RGS7: variants seen among roughly 807,000 people sequenced by gnomAD.
RGS7 encodes the protein regulator of G protein signaling 7.
RGS7 carries 27 observed loss-of-function variants against 81.1 expected under a neutral mutation model. That is an observed-to-expected ratio of 0.33 (90% CI 0.25 to 0.46). The LOEUF is 0.46. RGS7 is among the 20% of genes least tolerant of loss of function. The probability of loss-of-function intolerance (pLI) is 1.00; values close to 1 mark genes in which losing one functional copy is unlikely to be tolerated. For missense variants in RGS7, 396 were observed against 607.4 expected (o/e 0.65, Z 3.66); for synonymous variants, 208 against 207.7 (o/e 1.00, Z -0.01).
chr1:240,935,299 A>T (rs555363962), intron 5 of RGS7, among the ~76,000 whole-genome samples: 4 of 152,296 alleles, frequency 2.6e-5, no homozygotes, highest in African/African-American at 9.6e-5. Context: ...ATCAGGAAGC[A>T]TTAGTCACAT....
At chr1:241,013,376 C>T (rs1425726186) in intron 3 of RGS7, among the ~76,000 whole-genome samples, 2 of 152,060 alleles carry the variant, frequency 1.3e-5, no homozygotes, top group South Asian at 2.1e-4. Flanking sequence ...ATCCCTGCTT[C>T]GAGTCTCACA....
At chr1:241,235,692 CTT>C (rs1170890848) in intron 2 of RGS7, among the ~76,000 whole-genome samples, 1 of 145,032 alleles carries the variant, frequency 6.9e-6, no homozygotes, top group East Asian at 2.0e-4. Context: ...TTCTCTCTCT[CTT>C]TCTCTCTTTC....
At chr1:241,240,469 G>C (rs754556296) in intron 2 of RGS7, among the ~76,000 whole-genome samples, 1 of 152,180 alleles carries the variant, frequency 6.6e-6, no homozygotes, top group Non-Finnish European at 1.5e-5. Flanking sequence ...ATATGTATGT[G>C]TGTGGGTGTA....
chr1:240,834,916 C>CCACACA (rs67071227), intron 9 of RGS7, among the ~76,000 whole-genome samples: 275 of 144,610 alleles, frequency 1.9e-3, no homozygotes, highest in Non-Finnish European at 2.3e-3. Context: ...ACCTTACACT[C>CCACACA]CACACACACA....
chr1:241,073,576 T>C (rs1365472311), intron 3 of RGS7, among the ~76,000 whole-genome samples: 1 of 152,214 alleles, frequency 6.6e-6, no homozygotes, highest in Non-Finnish European at 1.5e-5. Context: ...ACAATTCTTA[T>C]TCTTTATTGT....
intron 10 of RGS7, chr1:240,822,923 CGAAATACTA>C (rs1219504436): frequency 2.1e-5 from 9 of 429,838 alleles, no homozygotes; most frequent in Non-Finnish European, 3.9e-5. Flanking sequence ...TAATAAACAC[CGAAATACTA>C]GAAAACAGTG....
intron 3 of RGS7, among the ~76,000 whole-genome samples, chr1:241,035,655 C>A (rs2060287179): frequency 6.6e-6 from 1 of 152,118 alleles, no homozygotes; most frequent in African/African-American, 2.4e-5. Context: ...ACTGCTATCA[C>A]CATCATTACT....
At chr1:241,040,730 T>C (rs1333484607) in intron 3 of RGS7, among the ~76,000 whole-genome samples, 1 of 152,126 alleles carries the variant, frequency 6.6e-6, no homozygotes, top group Non-Finnish European at 1.5e-5. Flanking sequence ...CCTCAGGTGA[T>C]CCGCCCACCT....
chr1:240,940,808 G>A (rs76499448), intron 4 of RGS7, among the ~76,000 whole-genome samples: 2 of 57,524 alleles, frequency 3.5e-5, no homozygotes, highest in African/African-American at 9.1e-5. Context: ...AAGAAAAACA[G>A]AAGTGAGTGA....
intron 2 of RGS7, among the ~76,000 whole-genome samples, chr1:241,313,890 G>A (rs1466488660): frequency 6.6e-6 from 1 of 152,194 alleles, no homozygotes; most frequent in East Asian, 1.9e-4. Flanking sequence ...GCCTTCAGCG[G>A]TGGAAGTCAC....
chr1:241,224,391 C>T (rs1383646154), intron 2 of RGS7, among the ~76,000 whole-genome samples: 1 of 152,020 alleles, frequency 6.6e-6, no homozygotes, highest in Non-Finnish European at 1.5e-5. Context: ...ATGATGGCTT[C>T]CAGATGCATC....
intron 2 of RGS7, among the ~76,000 whole-genome samples, chr1:241,333,922 A>G (rs1454622475): frequency 4.0e-5 from 6 of 151,872 alleles, no homozygotes; most frequent in Non-Finnish European, 8.8e-5. Context: ...AAGTTAGATG[A>G]CTTCCTTACA....
chr1:240,839,178 A>G (rs1018958247), intron 9 of RGS7, among the ~76,000 whole-genome samples: 2 of 152,146 alleles, frequency 1.3e-5, no homozygotes, highest in Admixed American at 1.3e-4. Context: ...GCCTTATCCC[A>G]GTTAGCTGTC....
At chr1:241,180,896 G>A (rs529789797) in intron 2 of RGS7, among the ~76,000 whole-genome samples, 1 of 152,284 alleles carries the variant, frequency 6.6e-6, no homozygotes, top group East Asian at 1.9e-4. Context: ...CTATAAATTG[G>A]GAAGAACAGT....
At chr1:241,007,379 T>C (rs751404125) in intron 3 of RGS7, among the ~76,000 whole-genome samples, 2 of 152,232 alleles carry the variant, frequency 1.3e-5, no homozygotes, top group African/African-American at 2.4e-5. Context: ...ATATATAATG[T>C]ACAAATATAT....
chr1:241,086,587 C>T (rs1307225552), intron 3 of RGS7, among the ~76,000 whole-genome samples: 2 of 151,914 alleles, frequency 1.3e-5, no homozygotes, highest in South Asian at 2.1e-4. Context: ...CCCTTTTCTA[C>T]CATCTGATGT....
intron 4 of RGS7, among the ~76,000 whole-genome samples, chr1:240,981,971 A>G (rs1473718078): frequency 6.6e-6 from 1 of 152,260 alleles, no homozygotes. Flanking sequence ...ATAGGTTGGC[A>G]TATCACTGAC....
chr1:241,005,895 T>C (rs1463390304), intron 3 of RGS7, among the ~76,000 whole-genome samples: 1 of 152,214 alleles, frequency 6.6e-6, no homozygotes, highest in Non-Finnish European at 1.5e-5. Context: ...ATTACCTGTA[T>C]TCGTGTTCCA....
intron 2 of RGS7, among the ~76,000 whole-genome samples, chr1:241,253,721 G>C (rs2076933360): frequency 6.6e-6 from 1 of 152,154 alleles, no homozygotes. Context: ...TGAGAACAAT[G>C]TTGAAAAGTT....
Sources: allele counts gnomAD v4.1 joint callset (sites outside exome capture counted in the v4.1 genomes callset), GRCh38; gene constraint gnomAD v4.1.1; transcripts MANE v1.5; gene names NCBI Gene and HGNC (gene_info 2026-07-23, HGNC 2026-07-21).